Variants in AKT2 observed in about 807,000 individuals in gnomAD.
AKT2 encodes the protein RAC-beta serine/threonine-protein kinase.
In AKT2, 16 loss-of-function variants were observed where a neutral mutation model predicts 58.6. That is an observed-to-expected ratio of 0.27 (90% CI 0.18 to 0.41). The LOEUF is 0.41. Among genes scored for constraint, AKT2 ranks in the 10% least tolerant of loss-of-function variants. The pLI is 1.00. For missense variants in AKT2, 438 were observed against 661.0 expected (o/e 0.66, Z 3.70); for synonymous variants, 253 against 254.0 (o/e 1.00, Z 0.04).
intron 3 of AKT2, among the ~76,000 whole-genome samples, chr19:40,256,035 A>G (rs1434195620): frequency 6.6e-6 from 1 of 152,106 alleles, no homozygotes; most frequent in East Asian, 1.9e-4. Flanking sequence ...TGAGACAGAG[A>G]CAGGAATAGA....
chr19:40,251,588 G>T (rs1237576735), intron 4 of AKT2, among the ~76,000 whole-genome samples: 1 of 151,636 alleles, frequency 6.6e-6, no homozygotes, highest in African/African-American at 2.4e-5. Flanking sequence ...AATGTCTTGG[G>T]GAGGAAAAAA....
intron 1 of AKT2, among the ~76,000 whole-genome samples, chr19:40,268,321 G>A (rs941024742): frequency 5.9e-5 from 9 of 152,348 alleles, no homozygotes; most frequent in Admixed American, 4.6e-4. Flanking sequence ...TACCCACTGT[G>A]GGCCCAGGGC....
intron 2 of AKT2, among the ~76,000 whole-genome samples, chr19:40,260,176 A>C (rs1390600128): frequency 6.6e-6 from 1 of 152,000 alleles, no homozygotes; most frequent in African/African-American, 2.4e-5. Context: ...AAACAAAAAC[A>C]AAAAAATCCA....
At chr19:40,271,666 C>T (rs2077219522) in intron 1 of AKT2, among the ~76,000 whole-genome samples, 1 of 152,154 alleles carries the variant, frequency 6.6e-6, no homozygotes, top group Non-Finnish European at 1.5e-5. Context: ...ATTTCTCCTG[C>T]AGAAAATGCT....
At chr19:40,271,212 C>CATACATATAT (rs1555777718) in intron 1 of AKT2, among the ~76,000 whole-genome samples, 1 of 140,028 alleles carries the variant, frequency 7.1e-6, no homozygotes, top group Non-Finnish European at 1.5e-5. Flanking sequence ...TACATACATA[C>CATACATATAT]ATATATATAT....
chr19:40,240,964 T>C (rs565728388), intron 6 of AKT2: 1 of 152,648 alleles, frequency 6.6e-6, no homozygotes, highest in East Asian at 1.9e-4. Flanking sequence ...TTTATTTTTA[T>C]TTTTACAGAG....
intron 7 of AKT2, chr19:40,239,633 A>G (rs538951106): frequency 2.7e-6 from 1 of 364,972 alleles, no homozygotes; most frequent in Admixed American, 3.7e-5. Flanking sequence ...CTGCAGCCCA[A>G]ACAGGCATCT....
chr19:40,265,076 G>A (rs977933912), intron 2 of AKT2, 146 bp downstream of exon 2: 16 of 1,207,576 alleles, frequency 1.3e-5, no homozygotes, highest in Admixed American at 2.0e-5. Context: ...TCCACGAAAT[G>A]GGGGCATAAG....
Position 40,238,747 on chromosome 19 carries a change from C to G in AKT2, c.708+158G>C, listed in dbSNP as rs566457020. Among the ~76,000 whole-genome samples the G allele has an allele frequency of 2.6e-5, 4 of 152,282 alleles. No homozygotes were observed. The highest frequency in any genetic ancestry group is 4.1e-4 in the South Asian group (2 of 4,824). ...TCTCTGAGCCTCAGTGACTGCCCCCCCAAAATGGAGACGAAGCCGCCTGCC... is the reference window on the plus strand; with the variant it reads ...TCTCTGAGCCTCAGTGACTGCCCCCGCAAAATGGAGACGAAGCCGCCTGCC... On this transcript the variant is annotated intron_variant, in intron 8 of 13. Transcript: ENST00000392038. The surrounding 1 kb of genome is among the most constrained non-coding windows in gnomAD (Gnocchi z 5.1).
intron 6 of AKT2, 124 bp from the exon 7 acceptor site, chr19:40,240,234 C>G (rs1974306031): frequency 9.3e-7 from 1 of 1,078,246 alleles, no homozygotes; most frequent in Non-Finnish European, 1.4e-6. Context: ...CAGAAAATCA[C>G]AGGAGTGAAA....
At chr19:40,253,220 A>G (rs1395110810) in intron 4 of AKT2, among the ~76,000 whole-genome samples, 3 of 152,212 alleles carry the variant, frequency 2.0e-5, no homozygotes, top group African/African-American at 4.8e-5. Context: ...GACAGTGCAG[A>G]TAAAGGGCAT....
chr19:40,259,223 T>C (rs1253409484), intron 2 of AKT2, among the ~76,000 whole-genome samples: 1 of 152,106 alleles, frequency 6.6e-6, no homozygotes, highest in Non-Finnish European at 1.5e-5. Context: ...AGAAAAAATA[T>C]CCTTACAATT....
Position 40,265,238 on chromosome 19 carries a change from G to A in AKT2, c.30C>T (p.Gly10=). Reference sequence around the variant, plus strand: ...GCCTCTTACCACGCTTGTGGAGCCAGCCTTCTTTGATGACAGACACCTCAT... The same window carrying A: ...GCCTCTTACCACGCTTGTGGAGCCAACCTTCTTTGATGACAGACACCTCAT... MNEVSVIKE[G]WLHKRGEYIK... Residue 10 remains glycine, a synonymous_variant, in exon 2 of 14, where the codon GGC becomes GGT. Transcript: ENST00000392038. The A allele has an allele frequency of 6.2e-7, 1 of 1,613,400 alleles. No homozygotes were observed. Among genetic ancestry groups the A allele is most frequent in the Non-Finnish European group, 8.5e-7 (1 of 1,179,754 alleles).
chr19:40,241,525 G>C (rs1974405162), intron 6 of AKT2: 1 of 266,774 alleles, frequency 3.7e-6, no homozygotes, highest in South Asian at 4.1e-5. Context: ...TTAAATTTTT[G>C]AATGTCTTTG....
Position 40,242,814 on chromosome 19 carries a change from G to C in AKT2, c.288-127C>G. ...AATGACCACATAACCATGGGAATTT[G>C]GGCAAGATCTGTCAGAACCAGAGAG... On this transcript the variant is annotated intron_variant, in intron 4 of 13. Transcript: ENST00000392038. This position sits in a 1 kb window ranked among gnomAD's most constrained non-coding sequence, Gnocchi z 4.3. The C allele has an allele frequency of 9.1e-7, 1 of 1,100,542 alleles. No individual in the cohort carries two copies. The highest frequency in any genetic ancestry group is 1.3e-6 in the Non-Finnish European group (1 of 754,640). 68.2% of individuals were successfully genotyped at this position (1,100,542 alleles called of 1,614,324 possible). A position where few individuals can be genotyped will look rare whatever the true frequency, so the allele number is the denominator to read the frequency against.
intron 1 of AKT2, chr19:40,284,898 C>A (rs2077485610): frequency 3.5e-6 from 1 of 284,908 alleles, no homozygotes; most frequent in Non-Finnish European, 6.5e-6. Flanking sequence ...CCCGAAAGGT[C>A]CAGCCCCCGG....
rs1973680956 is a variant in AKT2, at chr19:40,231,114, T to C, written c.*2758A>G. 1 of 228,810 alleles carries C rather than the reference T, an allele frequency of 4.4e-6. No homozygotes were observed. The highest frequency in any genetic ancestry group is 2.2e-5 in the African/African-American group (1 of 45,048). The allele number at this position is 228,810 out of a possible 1,614,324, so 14.2% of individuals were successfully genotyped here. ...TCTACTCAAAATTTATTTGGTAAGA[T>C]TTTATTAAGACTCTAAGTTCAAACA... is the stretch of plus-strand genomic sequence containing the variant. On this transcript the variant is annotated 3_prime_UTR_variant, in exon 14 of 14. Transcript: ENST00000392038.
At position 40,230,725 on chromosome 19, in the gene AKT2, T is replaced by TTA. The variant is rs1555762843; in HGVS notation, c.*3146_*3147insTA. 6.8e-5 allele frequency: 14 copies of TTA among 207,038 alleles called. No homozygotes were observed. Among genetic ancestry groups the TTA allele is most frequent in the African/African-American group, 3.0e-4 (13 of 43,796 alleles). 12.8% of individuals were successfully genotyped at this position (207,038 alleles called of 1,614,324 possible). ...TAATAGCATGTATCATGTTTTTTTT[T>TTA]TTTTTATTTTTAGAGACACAGTCTC... On this transcript the variant is annotated 3_prime_UTR_variant, in exon 14 of 14. Coordinates refer to ENST00000392038, the MANE Select transcript of AKT2 (RefSeq NM_001626.6).
chr19:40,270,647 C>T (rs1324448561), intron 1 of AKT2: 1 of 152,138 alleles, frequency 6.6e-6, no homozygotes, highest in African/African-American at 2.4e-5. Flanking sequence ...CCTCAGGAGC[C>T]TCTGTCGCCT....
Sources: gnomAD v4.1 joint callset for allele counts (sites outside exome capture counted in the v4.1 genomes callset) on GRCh38, gnomAD v4.1.1 for gene constraint, Gnocchi (gnomAD v3.1) non-coding constraint, MANE v1.5 for transcripts, NCBI Gene and HGNC (gene_info 2026-07-23, HGNC 2026-07-21) for gene names.